RFC1: variants seen among roughly 807,000 people sequenced by gnomAD.
The protein encoded by RFC1 is replication factor C subunit 1, also known as A1 140 kDa subunit.
Under a neutral mutation model 137.4 loss-of-function variants are expected in RFC1, and 37 were observed. The ratio of observed to expected loss-of-function variants is 0.27; its 90% CI spans 0.21 to 0.35. The LOEUF (loss-of-function observed/expected upper bound fraction) is 0.35, where lower values mean the gene tolerates loss of function less well. Among genes scored for constraint, RFC1 ranks in the 10% least tolerant of loss-of-function variants. RFC1 has a pLI of 1.00. For synonymous variants in RFC1, 429 were observed against 455.7 expected (o/e 0.94, Z 0.75); for missense variants, 1,205 against 1,358.5 (o/e 0.89, Z 1.78).
At position 39,321,250 on chromosome 4, in the gene RFC1, A is replaced by G. The variant is rs367686357; in HGVS notation, c.808+37T>C. On this transcript the variant is annotated intron_variant, in intron 8 of 24. Transcript: ENST00000349703. Reference sequence around the variant, plus strand: ...TTATCATGAATTTACTTCCATGAAGACAAGTGCTCCATCTTACTTTTTTCT... The same window carrying G: ...TTATCATGAATTTACTTCCATGAAGGCAAGTGCTCCATCTTACTTTTTTCT... 16 of 1,457,932 alleles carry G rather than the reference A, an allele frequency of 1.1e-5. No individual in the cohort carries two copies. The African/African-American group carries it at 2.1e-4, about 19-fold the overall frequency. 90.3% of individuals were successfully genotyped at this position (1,457,932 alleles called of 1,614,324 possible).
intron 19 of RFC1, among the ~76,000 whole-genome samples, chr4:39,301,284 G>A (rs892827114): frequency 3.3e-5 from 5 of 152,176 alleles, no homozygotes; most frequent in African/African-American, 1.2e-4. Flanking sequence ...AGGGAGGAAA[G>A]CGGAAAGGAA....
intron 3 of RFC1, among the ~76,000 whole-genome samples, chr4:39,343,266 G>A (rs1229724181): frequency 6.6e-6 from 1 of 151,910 alleles, no homozygotes; most frequent in African/African-American, 2.4e-5. Flanking sequence ...CAAGTGATCC[G>A]CCCACCTCAG....
chr4:39,306,140 G>A (rs989728796), intron 14 of RFC1, among the ~76,000 whole-genome samples: 3 of 152,214 alleles, frequency 2.0e-5, no homozygotes, highest in Non-Finnish European at 4.4e-5. Flanking sequence ...ACACAGTGCT[G>A]AAGAGCAGAA....
At chr4:39,308,472 C>T (rs1304788754) in intron 13 of RFC1, among the ~76,000 whole-genome samples, 164 bp downstream of exon 13, 1 of 152,180 alleles carries the variant, frequency 6.6e-6, no homozygotes, top group Admixed American at 6.5e-5. Flanking sequence ...GTTTTGTTCA[C>T]AACACCACCA....
intron 1 of RFC1, among the ~76,000 whole-genome samples, chr4:39,354,744 T>A: frequency 5.0e-5 from 4 of 80,304 alleles, no homozygotes; most frequent in Admixed American, 3.4e-4. Flanking sequence ...ATAGTGAAAC[T>A]ATCTCAAAAA....
rs755615781 is a variant in RFC1, at chr4:39,308,929, G to A, written c.1592C>T (p.Pro531Leu). ...KKESESKKSR[P>L]TSKRDSLAKT... Reference sequence around the variant, plus strand: ...TGCCAAACTGTCCCTTTTGGAAGTCGGCCTGCTCTTTTTAGATTCTGATTC... The same window carrying A: ...TGCCAAACTGTCCCTTTTGGAAGTCAGCCTGCTCTTTTTAGATTCTGATTC... The change falls in exon 13 of 25, where the codon CCG becomes CTG. Residue 531 changes from proline (P) to leucine (L), a missense_variant. Transcript: ENST00000349703. The A allele has an allele frequency of 2.7e-5, 43 of 1,613,790 alleles. No homozygotes were observed. Among genetic ancestry groups the A allele is most frequent in the Middle Eastern group, 1.6e-4 (1 of 6,084 alleles).
At chr4:39,357,949 C>G (rs997347510) in intron 1 of RFC1, among the ~76,000 whole-genome samples, 2 of 151,672 alleles carry the variant, frequency 1.3e-5, no homozygotes, top group African/African-American at 4.8e-5. Flanking sequence ...CCAAAAAAAT[C>G]AAATTTAAAC....
chr4:39,290,807 T>G (rs1484391606), intron 23 of RFC1, among the ~76,000 whole-genome samples: 2 of 124,476 alleles, frequency 1.6e-5, no homozygotes, highest in East Asian at 4.2e-4. Context: ...AGAGCTAGAC[T>G]GTCTCAAAAA....
rs370678287 is a variant in RFC1 at position 39,366,200 on chromosome 4, C to T, written c.3+39G>A. The T allele has an allele frequency of 1.2e-5, 18 of 1,550,914 alleles. No homozygotes were observed. In the African/African-American group the frequency reaches 1.5e-4, roughly 13 times the overall value. ...GTCCACACCAGGCCTGCAAAGCCCC[C>T]CCAGACCCCGAGCCGCACGGCCTCC... On this transcript the variant is annotated intron_variant, in intron 1 of 24. Coordinates refer to ENST00000349703, the MANE Select transcript of RFC1 (RefSeq NM_002913.5).
intron 1 of RFC1, chr4:39,355,848 A>G (rs1020967887): frequency 6.6e-6 from 1 of 151,900 alleles, no homozygotes; most frequent in Admixed American, 6.6e-5. Flanking sequence ...CTAAAAATAC[A>G]AAAATTAGCT....
intron 5 of RFC1, among the ~76,000 whole-genome samples, chr4:39,327,021 A>T (rs17288125): frequency 3.3e-5 from 5 of 152,194 alleles, no homozygotes; most frequent in Admixed American, 2.6e-4. Context: ...ACAAACACAC[A>T]CTATGGGGCA....
chr4:39,308,303 C>T (rs1382862637), intron 13 of RFC1, among the ~76,000 whole-genome samples: 1 of 152,172 alleles, frequency 6.6e-6, no homozygotes, highest in Admixed American at 6.5e-5. Flanking sequence ...CTTAGCCATC[C>T]CTTCCTCTGG....
chr4:39,325,879 A>T (rs539684155), intron 6 of RFC1, among the ~76,000 whole-genome samples: 2 of 152,294 alleles, frequency 1.3e-5, no homozygotes, highest in South Asian at 4.2e-4. Flanking sequence ...ACATCATCGA[A>T]GCCAAAGTAA....
In RFC1 at chr4:39,307,735, C is replaced by A. The variant is rs199944429; in HGVS notation, c.1885+901G>T. ...TGTCTCAAAACAAAACAAAACAAAA[C>A]AAAAAAAAAACAGTCTTCTCCAGGC... On this transcript the variant is annotated intron_variant, in intron 13 of 24. Transcript: ENST00000349703. Among the ~76,000 whole-genome samples, 1,006 of 148,242 alleles carry A rather than the reference C, an allele frequency of 6.8e-3. 12 individuals carry two copies. The highest frequency in any genetic ancestry group is 0.022 in the African/African-American group (882 of 40,124).
intron 22 of RFC1, 181 bp from the exon 23 acceptor site, chr4:39,292,033 T>A (rs904390422): frequency 1.2e-5 from 7 of 596,636 alleles, no homozygotes; most frequent in African/African-American, 1.1e-4. Flanking sequence ...AGCATGAGGG[T>A]AATGGGTACA....
At chr4:39,366,177 C>A in intron 1 of RFC1, 62 bp downstream of exon 1, 1 of 1,533,322 alleles carries the variant, frequency 6.5e-7, no homozygotes, top group South Asian at 1.2e-5. Context: ...AGTGCCCGGT[C>A]CACACCAGGC....
intron 1 of RFC1, among the ~76,000 whole-genome samples, chr4:39,355,571 T>A (rs1034685323): frequency 3.3e-5 from 5 of 152,028 alleles, no homozygotes; most frequent in African/African-American, 1.2e-4. Context: ...ACATAAAAAA[T>A]GCTAGATGTC....
At chr4:39,321,131 TTTCAAAGTTTCTAAG>T (rs1173402076) in intron 8 of RFC1, among the ~76,000 whole-genome samples, 141 bp downstream of exon 8, 15 of 152,196 alleles carry the variant, frequency 9.9e-5, no homozygotes, top group African/African-American at 2.7e-4. Flanking sequence ...TCCAAAGAGC[TTTCAAAGTTTCTAAG>T]TTCAATATGC....
intron 11 of RFC1, among the ~76,000 whole-genome samples, chr4:39,311,915 C>G (rs141587910): frequency 5.3e-5 from 8 of 152,332 alleles, no homozygotes; most frequent in African/African-American, 1.9e-4. Context: ...TTTCCCCCAC[C>G]TTCTTCCCTG....
Sources: allele counts gnomAD v4.1 joint callset (sites outside exome capture counted in the v4.1 genomes callset), GRCh38; gene constraint gnomAD v4.1.1; transcripts MANE v1.5; gene names NCBI Gene and HGNC (gene_info 2026-07-23, HGNC 2026-07-21).